SMURF2: variants seen among roughly 807,000 people sequenced by gnomAD.
SMURF2 encodes the protein E3 ubiquitin-protein ligase SMURF2.
In SMURF2, 48 loss-of-function variants were observed where a neutral mutation model predicts 109.6. The ratio of observed to expected loss-of-function variants is 0.44; its 90% confidence interval spans 0.35 to 0.56. The LOEUF (loss-of-function observed/expected upper bound fraction) is 0.56. SMURF2 is among the 20% of genes least tolerant of loss of function. SMURF2 has a pLI of 0.01. For missense variants in SMURF2, 575 were observed against 909.0 expected (o/e 0.63, Z 4.72); for synonymous variants, 288 against 317.1 (o/e 0.91, Z 0.97).
At chr17:64,553,881 T>A (rs1347735399) in intron 15 of SMURF2, among the ~76,000 whole-genome samples, 1 of 152,206 alleles carries the variant, frequency 6.6e-6, no homozygotes, top group African/African-American at 2.4e-5. Context: ...AGGAAACATT[T>A]TAGTAAGATT....
At chr17:64,553,503 TCAAAAAAACC>T (rs576506932) in intron 15 of SMURF2, among the ~76,000 whole-genome samples, 8 of 150,902 alleles carry the variant, frequency 5.3e-5, no homozygotes, top group Non-Finnish European at 1.2e-4. Flanking sequence ...AGACTCCACC[TCAAAAAAACC>T]CAAAAAAACA....
At chr17:64,585,422 GA>G (rs1349337603) in intron 6 of SMURF2, among the ~76,000 whole-genome samples, 1 of 152,102 alleles carries the variant, frequency 6.6e-6, no homozygotes, top group Non-Finnish European at 1.5e-5. Flanking sequence ...TGCCTTACCT[GA>G]ATTATTTCAT....
intron 2 of SMURF2, among the ~76,000 whole-genome samples, chr17:64,599,827 C>T (rs1173272244): frequency 6.6e-6 from 1 of 152,198 alleles, no homozygotes; most frequent in African/African-American, 2.4e-5. Flanking sequence ...AAAGGGCATA[C>T]AGGAGAAGGA....
At position 64,585,196 on chromosome 17, in the gene SMURF2, GAA is replaced by G. The variant is rs1969635990; in HGVS notation, c.485+888_485+889del. 2.6e-5 allele frequency among the ~76,000 whole-genome samples: 4 copies of G among 152,202 alleles called. No homozygotes were observed. The East Asian group carries it at 7.7e-4, about 29-fold the overall frequency. On this transcript the variant is annotated intron_variant, in intron 6 of 18. Coordinates refer to ENST00000262435, the MANE Select transcript of SMURF2 (RefSeq NM_022739.4). The stretch of plus-strand genomic sequence containing the variant: ...ACTTTGAATGTTAAAAATAAAATCA[GAA>G]AAGAGTTAGAACTAGTATCAAAGAG...
In SMURF2 at chr17:64,547,529, T is replaced by C; in HGVS notation, c.2071+71A>G. 2.3e-6 allele frequency: 3 copies of C among 1,302,584 alleles called. No individual in the cohort carries two copies. Among genetic ancestry groups the C allele is most frequent in the South Asian group, 2.4e-5 (2 of 84,132 alleles). The allele number at this position is 1,302,584 out of a possible 1,614,324, so 80.7% of individuals were successfully genotyped here. Reference sequence around the variant, plus strand: ...CTCTAAGCACATGGTTTACAAAATATCTCCACAGACCCCACGCTGACAGCC... The same window carrying C: ...CTCTAAGCACATGGTTTACAAAATACCTCCACAGACCCCACGCTGACAGCC... On this transcript the variant is annotated intron_variant, in intron 17 of 18. Coordinates refer to ENST00000262435, the MANE Select transcript of SMURF2 (RefSeq NM_022739.4). The surrounding 1 kb of genome is among the most constrained non-coding windows in gnomAD (Gnocchi z 4.2).
chr17:64,566,027 G>A (rs947973180), intron 10 of SMURF2, among the ~76,000 whole-genome samples: 1 of 151,794 alleles, frequency 6.6e-6, no homozygotes, highest in Admixed American at 6.6e-5. Flanking sequence ...AACCATAATA[G>A]ATGTACCAAA....
rs181025029 is a variant in SMURF2, at chr17:64,635,725, T to C, written c.52+26104A>G. Among the ~76,000 whole-genome samples the C allele has an allele frequency of 6.6e-5, 10 of 152,352 alleles. No homozygotes were observed. The East Asian group carries it at 1.7e-3, about 26-fold the overall frequency. The stretch of plus-strand genomic sequence containing the variant: ...TGCCATATTTTGTTTATCCATTCAG[T>C]TGACAGACATCTGAGTTGTTTCCAC... On this transcript the variant is annotated intron_variant, in intron 1 of 18. Transcript: ENST00000262435.
chr17:64,598,594 A>G (rs1422146911), intron 2 of SMURF2, 104 bp from the exon 3 acceptor site: 21 of 948,970 alleles, frequency 2.2e-5, no homozygotes, highest in African/African-American at 6.8e-5. Flanking sequence ...TTCTTTTAAA[A>G]AAGTTTAACA....
intron 1 of SMURF2, among the ~76,000 whole-genome samples, chr17:64,639,105 T>C (rs781177049): frequency 9.9e-5 from 15 of 152,240 alleles, no homozygotes; most frequent in Non-Finnish European, 2.2e-4. Context: ...ATGTTCTGTT[T>C]CTTGATCTGG....
In SMURF2 at chr17:64,593,464, T is replaced by C; in HGVS notation, c.310A>G (p.Ile104Val). The C allele has an allele frequency of 1.2e-6, 2 of 1,609,784 alleles. No individual in the cohort carries two copies. Among genetic ancestry groups the C allele is most frequent in the East Asian group, 2.2e-5 (1 of 44,858 alleles). Residue 104 changes from isoleucine (I) to valine (V), a missense_variant, in exon 4 of 19, where the codon ATC becomes GTC. Transcript: ENST00000262435. ...LGCVRLLSNAINRLKDTGYQR... is the reference protein window; with the variant it reads ...LGCVRLLSNAVNRLKDTGYQR... ...CAACCAGTGTCTTTGAGGCGGTTGA[T>C]GGCATTGGAAAGAAGACGAACACAA...
intron 10 of SMURF2, among the ~76,000 whole-genome samples, chr17:64,564,108 A>T (rs782818043): frequency 6.6e-6 from 1 of 152,118 alleles, no homozygotes; most frequent in African/African-American, 2.4e-5. Context: ...AAGCCATTCT[A>T]CTCCTAGGTT....
chr17:64,615,833 A>G (rs538355928), intron 1 of SMURF2, among the ~76,000 whole-genome samples: 1 of 152,050 alleles, frequency 6.6e-6, no homozygotes, highest in Non-Finnish European at 1.5e-5. Flanking sequence ...GGATAAGAAA[A>G]TAATTTCCTT....
chr17:64,562,381 A>ATT (rs554359318), intron 11 of SMURF2, among the ~76,000 whole-genome samples: 2 of 138,680 alleles, frequency 1.4e-5, no homozygotes, highest in Non-Finnish European at 3.1e-5. Flanking sequence ...TTAACTTCTA[A>ATT]TTTTTTTTTT....
intron 7 of SMURF2, among the ~76,000 whole-genome samples, chr17:64,582,637 C>T (rs571290437): frequency 2.6e-5 from 4 of 152,244 alleles, no homozygotes; most frequent in African/African-American, 7.2e-5. Context: ...CTCGCTCTAT[C>T]GCCCAGGCCG....
At chr17:64,639,921 C>T (rs1056436832) in intron 1 of SMURF2, among the ~76,000 whole-genome samples, 3 of 152,144 alleles carry the variant, frequency 2.0e-5, no homozygotes, top group South Asian at 4.1e-4. Context: ...AAAAACTAAT[C>T]GGAATAAATA....
At chr17:64,609,611 C>T (rs1430192987) in intron 1 of SMURF2, among the ~76,000 whole-genome samples, 2 of 128,832 alleles carry the variant, frequency 1.6e-5, no homozygotes, top group Non-Finnish European at 3.1e-5. Flanking sequence ...ACACCTTATA[C>T]AAAAATTAAC....
rs782461489 is a variant in SMURF2 at position 64,562,285 on chromosome 17, CAAAA to C, written c.1212+482_1212+485del. Among the ~76,000 whole-genome samples, 17 of 19,014 alleles carry C rather than the reference CAAAA, an allele frequency of 8.9e-4. No individual in the cohort carries two copies. The South Asian group carries it at 0.017, about 19-fold the overall frequency. The allele number at this position is 19,014 out of a possible 152,430, so 12.5% of individuals were successfully genotyped here. A position where few individuals can be genotyped will look rare whatever the true frequency, so the allele number is the denominator to read the frequency against. On this transcript the variant is annotated intron_variant, in intron 11 of 18. Coordinates refer to ENST00000262435, the MANE Select transcript of SMURF2 (RefSeq NM_022739.4). ...TCCAGCCTGGCGACAGACTCCGTCTCAAAAAAAAAAAAAAAAAAAAAAAAAAAAG... is the reference window on the plus strand; with the variant it reads ...TCCAGCCTGGCGACAGACTCCGTCTCAAAAAAAAAAAAAAAAAAAAAAAAG...
intron 13 of SMURF2, among the ~76,000 whole-genome samples, chr17:64,556,834 G>A (rs901526367): frequency 2.6e-5 from 4 of 151,974 alleles, no homozygotes; most frequent in African/African-American, 7.3e-5. Flanking sequence ...TTTTAAGCTC[G>A]TCTTTAAACC....
At chr17:64,620,236 G>A (rs1366326233) in intron 1 of SMURF2, among the ~76,000 whole-genome samples, 2 of 152,106 alleles carry the variant, frequency 1.3e-5, no homozygotes, top group Admixed American at 6.6e-5. Flanking sequence ...TACATCTAGA[G>A]TATTTTACAA....
Sources: gnomAD v4.1 joint callset for allele counts (sites outside exome capture counted in the v4.1 genomes callset) on GRCh38, gnomAD v4.1.1 for gene constraint, Gnocchi (gnomAD v3.1) non-coding constraint, MANE v1.5 for transcripts, NCBI Gene and HGNC (gene_info 2026-07-23, HGNC 2026-07-21) for gene names.